The following NOX4 variants were observed in gnomAD, a reference collection of about 807,000 sequenced individuals.
NOX4 encodes kidney oxidase-1.
NOX4 carries 69 observed loss-of-function variants against 87.6 expected under a neutral mutation model. The observed-to-expected ratio is 0.79, with a 90% CI of 0.65 to 0.96. The LOEUF is 0.96. Among genes scored for constraint, NOX4 ranks in the 40% least tolerant of loss-of-function variants. NOX4 has a pLI of 0.00. For missense variants in NOX4, 680 were observed against 681.5 expected (o/e 1.00, Z 0.02); for synonymous variants, 275 against 238.2 (o/e 1.15, Z -1.42).
At chr11:89,397,354 C>A (rs1941560964) in intron 11 of NOX4, among the ~76,000 whole-genome samples, 1 of 152,002 alleles carries the variant, frequency 6.6e-6, no homozygotes, top group Non-Finnish European at 1.5e-5. Flanking sequence ...TAAATGCCCA[C>A]AAGAGAAAGG....
upstream of NOX4, among the ~76,000 whole-genome samples, chr11:89,501,478 A>G (rs1947019096): frequency 6.6e-6 from 1 of 152,100 alleles, no homozygotes; most frequent in Non-Finnish European, 1.5e-5. Flanking sequence ...TATAGACTCT[A>G]TAGACATTGC....
intron 4 of NOX4, among the ~76,000 whole-genome samples, chr11:89,447,101 G>T (rs16913247): frequency 1.1e-4 from 17 of 151,948 alleles, no homozygotes; most frequent in African/African-American, 4.1e-4. Flanking sequence ...GCTAACATGA[G>T]TTAAATAACA....
intron 11 of NOX4, among the ~76,000 whole-genome samples, chr11:89,384,096 G>T (rs12419547): frequency 2.6e-5 from 4 of 152,018 alleles, no homozygotes; most frequent in Non-Finnish European, 5.9e-5. Context: ...AACCAGACAA[G>T]TCTTACAAGT....
chr11:89,523,673 A>G, the NOX4 span, among the ~76,000 whole-genome samples: 3 of 152,172 alleles, frequency 2.0e-5, no homozygotes, highest in South Asian at 4.1e-4. Context: ...ATTACACATG[A>G]CTGTTCATGG....
intron 11 of NOX4, among the ~76,000 whole-genome samples, chr11:89,379,638 G>A (rs1940127324): frequency 6.6e-6 from 1 of 152,048 alleles, no homozygotes; most frequent in African/African-American, 2.4e-5. Context: ...ATTTCCATCA[G>A]AACCTCCTCT....
At chr11:89,356,440 G>A (rs199795745) in intron 12 of NOX4, among the ~76,000 whole-genome samples, 5 of 128,896 alleles carry the variant, frequency 3.9e-5, no homozygotes, top group South Asian at 2.4e-4. Context: ...AAAAAAAAAG[G>A]ACAAAGGAAA....
chr11:89,562,601 A>G, the NOX4 span, among the ~76,000 whole-genome samples: 7 of 152,176 alleles, frequency 4.6e-5, no homozygotes, highest in Non-Finnish European at 1.0e-4. Flanking sequence ...CTGGTTTTTC[A>G]TCCTCATAAG....
At chr11:89,477,478 C>T (rs772673219) in intron 2 of NOX4, among the ~76,000 whole-genome samples, 38 of 152,008 alleles carry the variant, frequency 2.5e-4, no homozygotes, top group Non-Finnish European at 4.4e-4. Context: ...TAACAGGCCA[C>T]GAACTGGTCT....
the NOX4 span, among the ~76,000 whole-genome samples, chr11:89,555,239 T>C: frequency 2.0e-5 from 3 of 152,020 alleles, no homozygotes; most frequent in Non-Finnish European, 2.9e-5. Context: ...ATCCTAACAC[T>C]TTGGAAGGCC....
At chr11:89,448,402 G>A (rs1326185090) in intron 4 of NOX4, among the ~76,000 whole-genome samples, 1 of 152,026 alleles carries the variant, frequency 6.6e-6, no homozygotes, top group South Asian at 2.1e-4. Context: ...GGATCAAAAT[G>A]TATTTTAAAA....
At chr11:89,535,190 A>T in the NOX4 span, among the ~76,000 whole-genome samples, 1 of 152,234 alleles carries the variant, frequency 6.6e-6, no homozygotes, top group African/African-American at 2.4e-5. Context: ...GATAAAAAAA[A>T]GTTAGCATTT....
intron 2 of NOX4, among the ~76,000 whole-genome samples, chr11:89,465,126 C>T (rs1945619847): frequency 6.6e-6 from 1 of 152,110 alleles, no homozygotes; most frequent in African/African-American, 2.4e-5. Flanking sequence ...TCTCCTAATG[C>T]TATCCCTCCC....
chr11:89,493,789 G>A (rs149883054), upstream of NOX4, among the ~76,000 whole-genome samples: 675 of 150,662 alleles, frequency 4.5e-3, 2 homozygotes, highest in African/African-American at 0.015. Context: ...TGCTCTTGTT[G>A]CCCAGGCTGG....
the NOX4 span, among the ~76,000 whole-genome samples, chr11:89,551,178 T>C: frequency 1.3e-5 from 2 of 152,204 alleles, no homozygotes; most frequent in Admixed American, 1.3e-4. Context: ...TCTGTTTTGG[T>C]GACTTGTAGT....
chr11:89,374,653 T>C (rs1939702170), intron 11 of NOX4, among the ~76,000 whole-genome samples: 1 of 152,224 alleles, frequency 6.6e-6, no homozygotes, highest in African/African-American at 2.4e-5. Context: ...TCTTAATTAT[T>C]GCAGGTCACT....
chr11:89,330,971 T>C (rs572888162), intron 17 of NOX4, among the ~76,000 whole-genome samples: 1 of 152,128 alleles, frequency 6.6e-6, no homozygotes, highest in East Asian at 1.9e-4. Flanking sequence ...AACTTGAACA[T>C]CACTATCAAC....
At chr11:89,501,076 G>A (rs1947011697), upstream of NOX4, among the ~76,000 whole-genome samples, 1 of 151,970 alleles carries the variant, frequency 6.6e-6, no homozygotes, top group African/African-American at 2.4e-5. Flanking sequence ...AGCCCTAGGA[G>A]AACAGGATTT....
intron 2 of NOX4, 65 bp downstream of exon 2, chr11:89,490,393 A>G: frequency 9.1e-7 from 1 of 1,104,018 alleles, no homozygotes; most frequent in Non-Finnish European, 1.4e-6. Context: ...AACTGACCAA[A>G]CCTGTAGCAA....
intron 8 of NOX4, among the ~76,000 whole-genome samples, chr11:89,412,407 T>C (rs1382949021): frequency 6.6e-6 from 1 of 152,096 alleles, no homozygotes; most frequent in Non-Finnish European, 1.5e-5. Context: ...AAGGATCATA[T>C]GTTAGGTAAC....
Sources: gnomAD v4.1 joint callset for allele counts (sites outside exome capture counted in the v4.1 genomes callset) on GRCh38, gnomAD v4.1.1 for gene constraint, MANE v1.5 for transcripts, NCBI Gene and HGNC (gene_info 2026-07-23, HGNC 2026-07-21) for gene names.